UBN2: variants seen among roughly 807,000 people sequenced by gnomAD.
The protein encoded by UBN2 is ubinuclein 2.
In UBN2, 35 loss-of-function variants were observed where a neutral mutation model predicts 120.2. That is an observed-to-expected ratio of 0.29 (90% CI 0.22 to 0.39). The LOEUF is 0.39. UBN2 is among the 10% of genes least tolerant of loss of function. The pLI, the probability that UBN2 is intolerant of heterozygous loss-of-function variation, is 1.00. For synonymous variants in UBN2, 661 were observed against 648.7 expected (o/e 1.02, Z -0.29); for missense variants, 1,693 against 1,663.2 (o/e 1.02, Z -0.31).
the UBN2 span, among the ~76,000 whole-genome samples, chr7:139,321,242 C>T: frequency 9.2e-5 from 14 of 152,202 alleles, no homozygotes; most frequent in African/African-American, 2.2e-4. Flanking sequence ...TTGGCATCCA[C>T]GTCCTGGCCG....
intron 2 of UBN2, 38 bp downstream of exon 2, chr7:139,237,135 C>A: frequency 1.4e-6 from 2 of 1,468,368 alleles, no homozygotes; most frequent in South Asian, 2.3e-5. Flanking sequence ...TAATTTTATC[C>A]TATTGACCTG....
chr7:139,292,624 AGT>A (rs1410290705), intron 15 of UBN2, among the ~76,000 whole-genome samples: 5 of 152,220 alleles, frequency 3.3e-5, no homozygotes, highest in African/African-American at 1.2e-4. Flanking sequence ...CTAGAATAAC[AGT>A]GTGGTTATAA....
chr7:139,292,503 G>C (rs2131062828), intron 15 of UBN2, among the ~76,000 whole-genome samples: 1 of 152,264 alleles, frequency 6.6e-6, no homozygotes, highest in Non-Finnish European at 1.5e-5. Context: ...GTAATAAGGT[G>C]AAAACCCGCT....
At chr7:139,328,067 C>T in the UBN2 span, among the ~76,000 whole-genome samples, 1 of 152,144 alleles carries the variant, frequency 6.6e-6, no homozygotes, top group African/African-American at 2.4e-5. Context: ...CTGAAAGTGT[C>T]AGGATTCCAG....
intron 11 of UBN2, among the ~76,000 whole-genome samples, chr7:139,275,465 C>T (rs1167595954): frequency 1.3e-5 from 2 of 151,310 alleles, no homozygotes; most frequent in African/African-American, 4.9e-5. Context: ...CACCTGTAGT[C>T]CCAGCTACTC....
rs536348072 is a variant in UBN2 at position 139,292,686 on chromosome 7, G to A, written c.3670-546G>A. Among the ~76,000 whole-genome samples, 14 of 152,274 alleles carry A rather than the reference G, an allele frequency of 9.2e-5. No homozygotes were observed. In the South Asian group the frequency reaches 2.7e-3, roughly 29 times the overall value. On this transcript the variant is annotated intron_variant, in intron 15 of 17. Coordinates refer to ENST00000473989, the MANE Select transcript of UBN2 (RefSeq NM_173569.4). Reference sequence around the variant, plus strand: ...AGAAGGCAGAGGAAACATGGAAAAGGTGCAGTACTAGATATTTATACAGGA... The same window carrying A: ...AGAAGGCAGAGGAAACATGGAAAAGATGCAGTACTAGATATTTATACAGGA...
chr7:139,286,868 A>G (rs1206414125), intron 15 of UBN2, among the ~76,000 whole-genome samples: 1 of 152,184 alleles, frequency 6.6e-6, no homozygotes, highest in Non-Finnish European at 1.5e-5. Flanking sequence ...TTCAATATAC[A>G]TTGTATATTC....
intron 2 of UBN2, among the ~76,000 whole-genome samples, chr7:139,249,989 C>G (rs1339069132): frequency 6.6e-6 from 1 of 152,170 alleles, no homozygotes; most frequent in Non-Finnish European, 1.5e-5. Context: ...GTATGAGTTA[C>G]TGCACCTGGC....
chr7:139,326,256 A>AAAAC, the UBN2 span, among the ~76,000 whole-genome samples: 4,113 of 151,652 alleles, frequency 0.027, 124 homozygotes, highest in African/African-American at 0.068. Flanking sequence ...ACTCTGTCTC[A>AAAAC]AAACAAACAA....
At chr7:139,233,214 A>C (rs1730139905) in intron 1 of UBN2, among the ~76,000 whole-genome samples, 1 of 152,192 alleles carries the variant, frequency 6.6e-6, no homozygotes, top group Non-Finnish European at 1.5e-5. Flanking sequence ...AACCAAAATG[A>C]ATTGTTTAAA....
rs1796000034 is a variant in UBN2 at position 139,231,306 on chromosome 7, C to T, written c.-179C>T. Among the ~76,000 whole-genome samples the T allele has an allele frequency of 6.6e-6, 1 of 152,254 alleles. No homozygotes were observed. On this transcript the variant is annotated 5_prime_UTR_variant, in exon 1 of 18. The change creates a premature stop within an existing upstream ORF in the 5' untranslated region. Coordinates refer to ENST00000473989, the MANE Select transcript of UBN2 (RefSeq NM_173569.4). Reference sequence around the variant, plus strand: ...CCCTGGCGATGGCGGTGAAGCCCATCAGAACGTAGTAGCGGGGAAGGGGAC... The same window carrying T: ...CCCTGGCGATGGCGGTGAAGCCCATTAGAACGTAGTAGCGGGGAAGGGGAC...
the UBN2 span, among the ~76,000 whole-genome samples, chr7:139,323,779 G>A: frequency 9.2e-5 from 14 of 151,872 alleles, no homozygotes; most frequent in African/African-American, 3.1e-4. Flanking sequence ...TGGTAGAGTT[G>A]GGGTTTCACC....
downstream of UBN2, among the ~76,000 whole-genome samples, chr7:139,313,189 G>A (rs1057510762): frequency 9.9e-5 from 15 of 151,972 alleles, no homozygotes; most frequent in Admixed American, 9.2e-4. Flanking sequence ...TATTGATTAG[G>A]ATTGAATTTG....
chr7:139,325,886 T>A, the UBN2 span, among the ~76,000 whole-genome samples: 1 of 152,084 alleles, frequency 6.6e-6, no homozygotes, highest in Non-Finnish European at 1.5e-5. Flanking sequence ...AGGTAGGGTT[T>A]CTTTAGTTAA....
intron 15 of UBN2, among the ~76,000 whole-genome samples, chr7:139,290,059 A>G (rs971192633): frequency 1.3e-5 from 2 of 152,002 alleles, no homozygotes; most frequent in Non-Finnish European, 2.9e-5. Context: ...ACACCTGGCT[A>G]ATTTTTGTAT....
At chr7:139,279,771 A>G (rs1797550209) in intron 13 of UBN2, among the ~76,000 whole-genome samples, 1 of 152,182 alleles carries the variant, frequency 6.6e-6, no homozygotes, top group Non-Finnish European at 1.5e-5. Context: ...GTTTCTTTTT[A>G]CGTTTCTTCT....
chr7:139,293,256 G>C lies in UBN2; in HGVS notation c.3694G>C (p.Ala1232Pro), dbSNP rs1798013856. The C allele has an allele frequency of 2.5e-6, 4 of 1,614,130 alleles. No homozygotes were observed. The South Asian group carries it at 4.4e-5, about 18-fold the overall frequency. Reference sequence around the variant, plus strand: ...GTCCACAGCAGGAGCATCATTATTGGCTAATGCCTCACCTCTGACTCTCAT... The same window carrying C: ...GTCCACAGCAGGAGCATCATTATTGCCTAATGCCTCACCTCTGACTCTCAT... ...VQSTAGASLL[A>P]NASPLTLMTS... Residue 1232 changes from alanine to proline, a missense_variant, in exon 16 of 18, where the codon GCT becomes CCT. This residue lies in a region of UBN2 where 837 missense variants were observed against 817.6 expected (regional missense o/e 1.02). Transcript: ENST00000473989.
chr7:139,268,636 T>A (rs1797167268), intron 7 of UBN2, among the ~76,000 whole-genome samples: 1 of 152,220 alleles, frequency 6.6e-6, no homozygotes, highest in African/African-American at 2.4e-5. Flanking sequence ...CTTTTTTCTC[T>A]TTTGAGACAG....
intron 2 of UBN2, among the ~76,000 whole-genome samples, chr7:139,249,010 C>CTGTGTGTGTGTG (rs559214097): frequency 7.3e-4 from 108 of 147,726 alleles, no homozygotes; most frequent in South Asian, 2.4e-3. Context: ...TTTATTACAT[C>CTGTGTGTGTGTG]TGTGTGTGTG....
Sources: gnomAD v4.1 joint callset for allele counts (sites outside exome capture counted in the v4.1 genomes callset) on GRCh38, gnomAD v4.1.1 for gene constraint, gnomAD v4.1.1 regional missense constraint, MANE v1.5 for transcripts, NCBI Gene and HGNC (gene_info 2026-07-23, HGNC 2026-07-21) for gene names.